Variants in POFUT3 observed in about 807,000 individuals in gnomAD.
The protein encoded by POFUT3 is protein O-fucosyltransferase 3, also known as GDP-fucose protein O-fucosyltransferase 3.
the POFUT3 span, among the ~76,000 whole-genome samples, chr8:33,449,796 T>C: frequency 2.3e-4 from 35 of 151,984 alleles, no homozygotes; most frequent in Admixed American, 2.3e-3. Flanking sequence ...CTTGTAATTG[T>C]TTTCCTCCAT....
chr8:33,348,614 G>A, the POFUT3 span, among the ~76,000 whole-genome samples: 39 of 152,318 alleles, frequency 2.6e-4, no homozygotes, highest in Non-Finnish European at 4.7e-4. Flanking sequence ...GAAAGAAGAA[G>A]AGTAATAGCC....
chr8:33,435,507 C>T, the POFUT3 span, among the ~76,000 whole-genome samples: 1 of 148,996 alleles, frequency 6.7e-6, no homozygotes, highest in Non-Finnish European at 1.5e-5. Flanking sequence ...TGAGCCACCG[C>T]GCCCAGGCAA....
the POFUT3 span, among the ~76,000 whole-genome samples, chr8:33,407,394 G>A: frequency 3.9e-5 from 6 of 152,044 alleles, no homozygotes; most frequent in Admixed American, 1.3e-4. Context: ...CAAGCAACTC[G>A]AAATCATAAT....
At chr8:33,377,733 C>A in the POFUT3 span, among the ~76,000 whole-genome samples, 1 of 152,196 alleles carries the variant, frequency 6.6e-6, no homozygotes, top group East Asian at 1.9e-4. Flanking sequence ...GTATCCCTTT[C>A]CAGCTGAGGT....
the POFUT3 span, among the ~76,000 whole-genome samples, chr8:33,407,289 C>T: frequency 4.6e-5 from 7 of 152,086 alleles, no homozygotes; most frequent in Non-Finnish European, 1.0e-4. Flanking sequence ...TCTGAGAGGC[C>T]CTGATAGAAC....
the POFUT3 span, among the ~76,000 whole-genome samples, chr8:33,402,911 A>G: frequency 3.9e-5 from 6 of 151,960 alleles, no homozygotes. Context: ...TTTTTTAAAA[A>G]TCAGCCAGGT....
chr8:33,317,807 C>A, the POFUT3 span, among the ~76,000 whole-genome samples: 8 of 152,062 alleles, frequency 5.3e-5, no homozygotes, highest in African/African-American at 1.7e-4. Context: ...GCTGTCCCTC[C>A]GCGCCTAGAG....
the POFUT3 span, chr8:33,389,207 A>G: frequency 6.2e-7 from 1 of 1,614,154 alleles, no homozygotes. Flanking sequence ...TTCTGATACA[A>G]GAATAGCACT....
the POFUT3 span, among the ~76,000 whole-genome samples, chr8:33,381,346 T>G: frequency 1.3e-5 from 2 of 152,202 alleles, no homozygotes; most frequent in African/African-American, 4.8e-5. Flanking sequence ...TCCCCCATTT[T>G]TATACTTTAT....
chr8:33,324,360 G>C, the POFUT3 span, among the ~76,000 whole-genome samples: 1 of 152,038 alleles, frequency 6.6e-6, no homozygotes, highest in African/African-American at 2.4e-5. Context: ...GTTTTTCAGG[G>C]TCTGCCTCGA....
chr8:33,415,553 G>A, the POFUT3 span, among the ~76,000 whole-genome samples: 3,208 of 152,202 alleles, frequency 0.021, 111 homozygotes, highest in African/African-American at 0.072. Flanking sequence ...CCTCATACAT[G>A]TAGCCTGTGA....
chr8:33,326,411 A>C, the POFUT3 span, among the ~76,000 whole-genome samples: 1 of 152,216 alleles, frequency 6.6e-6, no homozygotes, highest in Non-Finnish European at 1.5e-5. Context: ...AATGTGACAA[A>C]TATAAAACCA....
chr8:33,319,362 A>C, the POFUT3 span, among the ~76,000 whole-genome samples: 1 of 32,608 alleles, frequency 3.1e-5, no homozygotes, highest in Non-Finnish European at 4.7e-5. Flanking sequence ...TATATATTTT[A>C]TATATATGTA....
the POFUT3 span, among the ~76,000 whole-genome samples, chr8:33,409,196 G>A: frequency 1.3e-5 from 2 of 152,092 alleles, no homozygotes; most frequent in Admixed American, 6.6e-5. Context: ...TCTGACTCCC[G>A]GATTCAAGCA....
At chr8:33,460,015 G>A in the POFUT3 span, among the ~76,000 whole-genome samples, 2 of 152,318 alleles carry the variant, frequency 1.3e-5, no homozygotes, top group Non-Finnish European at 2.9e-5. Flanking sequence ...GGCCAACATG[G>A]TGAAACCTCA....
At chr8:33,383,084 G>A in the POFUT3 span, among the ~76,000 whole-genome samples, 31 of 152,206 alleles carry the variant, frequency 2.0e-4, no homozygotes, top group Admixed American at 5.2e-4. Flanking sequence ...GAATGATTCC[G>A]AGTGCAGTAT....
the POFUT3 span, chr8:33,460,629 A>G: frequency 1.7e-6 from 1 of 593,224 alleles, no homozygotes; most frequent in Non-Finnish European, 2.1e-6. Context: ...TGAGGAAGCC[A>G]TCCAATTTTG....
chr8:33,471,761 TA>T, the POFUT3 span, among the ~76,000 whole-genome samples: 1 of 152,166 alleles, frequency 6.6e-6, no homozygotes, highest in African/African-American at 2.4e-5. Context: ...AGACAAGCAA[TA>T]ACAACACAGT....
At chr8:33,349,248 A>G in the POFUT3 span, among the ~76,000 whole-genome samples, 1 of 152,188 alleles carries the variant, frequency 6.6e-6, no homozygotes, top group African/African-American at 2.4e-5. Flanking sequence ...GTAGCCATGC[A>G]AGCTCCTCTT....
Sources: allele counts gnomAD v4.1 joint callset (sites outside exome capture counted in the v4.1 genomes callset), GRCh38; gene constraint gnomAD v4.1.1; transcripts MANE v1.5; gene names NCBI Gene and HGNC (gene_info 2026-07-23, HGNC 2026-07-21).